EPHA1: variants seen among roughly 807,000 people sequenced by gnomAD.
EPHA1 encodes ephrin type-A receptor 1.
EPHA1 carries 92 observed loss-of-function variants against 110.1 expected under a neutral mutation model. That is an observed-to-expected ratio of 0.84 (90% CI 0.71 to 0.99). The LOEUF (loss-of-function observed/expected upper bound fraction) is 0.99, where lower values mean the gene tolerates loss of function less well. Among genes scored for constraint, EPHA1 ranks in the 50% least tolerant of loss-of-function variants. The pLI is 0.00. For synonymous variants in EPHA1, 500 were observed against 516.1 expected (o/e 0.97, Z 0.42); for missense variants, 1,204 against 1,285.4 (o/e 0.94, Z 0.97).
intron 3 of EPHA1, 96 bp from the exon 4 acceptor site, chr7:143,400,149 C>A: frequency 7.2e-7 from 1 of 1,391,402 alleles, no homozygotes; most frequent in East Asian, 2.4e-5. Flanking sequence ...TTTCCACAAC[C>A]ATGAACACTG....
chr7:143,393,557 T>C lies in EPHA1; in HGVS notation c.2696+114A>G, dbSNP rs1291900068. On this transcript the variant is annotated intron_variant, in intron 16 of 17. Coordinates refer to ENST00000275815, the MANE Select transcript of EPHA1 (RefSeq NM_005232.5). This position sits in a 1 kb window ranked among gnomAD's most constrained non-coding sequence, Gnocchi z 5.6. ...CAAGGGCACGTCTTGCCTCATACACTGGACTTGGTCCAGAGCTCCCCAGGC... is the reference window on the plus strand; with the variant it reads ...CAAGGGCACGTCTTGCCTCATACACCGGACTTGGTCCAGAGCTCCCCAGGC... 2.8e-5 allele frequency: 34 copies of C among 1,205,468 alleles called. No homozygotes were observed. The highest frequency in any genetic ancestry group is 3.6e-5 in the Non-Finnish European group (31 of 866,432). The allele number at this position is 1,205,468 out of a possible 1,614,324, so 74.7% of individuals were successfully genotyped here.
Position 143,398,641 on chromosome 7 carries a change from G to A in EPHA1, c.1296C>T (p.Gly432=), listed in dbSNP as rs537571309. 12 of 1,614,098 alleles carry A rather than the reference G, an allele frequency of 7.4e-6. No homozygotes were observed. In the South Asian group the frequency reaches 8.8e-5, roughly 12 times the overall value. Residue 432 remains glycine (G), a synonymous_variant, in exon 6 of 18, where the codon GGC becomes GGT. Transcript: ENST00000275815. ...QNGVSGLGSS[G]HASTSVSISM... ...TGATGCTGACTGAGGTGCTGGCATG[G>A]CCAGAGCTGCCCAGCCCTGACACTC...
intron 2 of EPHA1, among the ~76,000 whole-genome samples, chr7:143,402,571 T>A (rs1343009752): frequency 6.6e-6 from 1 of 152,214 alleles, no homozygotes; most frequent in Non-Finnish European, 1.5e-5. Flanking sequence ...TTTTTGTATT[T>A]TTAGTAGAGA....
chr7:143,391,141 T>A lies in EPHA1; in HGVS notation c.*316A>T, dbSNP rs1443166893. The stretch of plus-strand genomic sequence containing the variant: ...CAGTAGTCAGCTCTTTTGTAGTGCC[T>A]GCAGCCCTCATGGGTGGGATGGAGG... On this transcript the variant is annotated 3_prime_UTR_variant, in exon 18 of 18. Transcript: ENST00000275815. 1.6e-5 allele frequency: 6 copies of A among 375,424 alleles called. No individual in the cohort carries two copies. The East Asian group carries it at 3.1e-4, about 20-fold the overall frequency. 23.3% of individuals were successfully genotyped at this position (375,424 alleles called of 1,614,324 possible).
chr7:143,392,822 A>G (rs562252453), intron 16 of EPHA1, among the ~76,000 whole-genome samples: 1 of 152,200 alleles, frequency 6.6e-6, no homozygotes, highest in South Asian at 2.1e-4. Context: ...TGTGCCTGTA[A>G]TCCCAGCTAC....
intron 5 of EPHA1, 70 bp downstream of exon 5, chr7:143,399,188 A>G (rs1264677646): frequency 3.9e-6 from 6 of 1,558,244 alleles, no homozygotes; most frequent in African/African-American, 1.4e-5. Flanking sequence ...GAAAAATCCA[A>G]CCCTGACAAA....
chr7:143,406,811 T>C (rs1805563845), intron 2 of EPHA1, among the ~76,000 whole-genome samples: 1 of 152,132 alleles, frequency 6.6e-6, no homozygotes, highest in Non-Finnish European at 1.5e-5. Context: ...GTGTTGAGAG[T>C]GCAGTAGGAA....
Position 143,393,089 on chromosome 7 carries a change from C to T in EPHA1, c.2696+582G>A, listed in dbSNP as rs117374561. Among the ~76,000 whole-genome samples the T allele has an allele frequency of 1.6e-3, 241 of 152,294 alleles. No individual in the cohort carries two copies. Among genetic ancestry groups the T allele is most frequent in the Non-Finnish European group, 2.2e-3 (149 of 68,022 alleles). ...TGCCGCAGCCATCCTGCACTATCTGCAACCTACCAGCCCTCAGCTCCCCAC... is the reference window on the plus strand; with the variant it reads ...TGCCGCAGCCATCCTGCACTATCTGTAACCTACCAGCCCTCAGCTCCCCAC... On this transcript the variant is annotated intron_variant, in intron 16 of 17. Transcript: ENST00000275815. This position sits in a 1 kb window ranked among gnomAD's most constrained non-coding sequence, Gnocchi z 5.6.
At position 143,391,762 on chromosome 7, in the gene EPHA1, G is replaced by GGC; in HGVS notation, c.2708_2709dup (p.Leu904AlafsTer5). 1 of 1,613,882 alleles carries GGC rather than the reference G, an allele frequency of 6.2e-7. No individual in the cohort carries two copies. The highest frequency in any genetic ancestry group is 1.3e-5 in the African/African-American group (1 of 75,070). ...CCATCTGAGCCACTCAGGCTGGGCAGGCGAAGAGTCATCCTGTGGGACATG... is the reference window on the plus strand; with the variant it reads ...CCATCTGAGCCACTCAGGCTGGGCAGGCGCGAAGAGTCATCCTGTGGGACATG... On this transcript the variant is annotated frameshift_variant, in exon 17 of 18. Transcript: ENST00000275815. LOFTEE classifies it high-confidence loss of function.
intron 2 of EPHA1, among the ~76,000 whole-genome samples, chr7:143,405,653 G>A (rs1414136289): frequency 6.6e-6 from 1 of 152,194 alleles, no homozygotes; most frequent in African/African-American, 2.4e-5. Context: ...AGGCCCATGG[G>A]AGCCAGAAGT....
chr7:143,392,067 G>C (rs904618715), intron 16 of EPHA1, among the ~76,000 whole-genome samples: 1 of 152,178 alleles, frequency 6.6e-6, no homozygotes, highest in Non-Finnish European at 1.5e-5. Context: ...TGGAGTGGCC[G>C]GTTCTGGGCA....
rs1478817861 is a variant in EPHA1 at position 143,401,498 on chromosome 7, G to C, written c.258C>G (p.Ile86Met). 3 of 1,614,038 alleles carry C rather than the reference G, an allele frequency of 1.9e-6. No individual in the cohort carries two copies. Among genetic ancestry groups the C allele is most frequent in the Non-Finnish European group, 2.5e-6 (3 of 1,180,054 alleles). ...CGCGGGAAGCCTCCTCCCCGCGGTAGATCCAATTGGAGCGAAGCCAGTGGT... is the reference window on the plus strand; with the variant it reads ...CGCGGGAAGCCTCCTCCCCGCGGTACATCCAATTGGAGCGAAGCCAGTGGT... ...DTDHWLRSNW[I>M]YRGEEASRVH... The change falls in exon 3 of 18, where the codon ATC becomes ATG. Residue 86 changes from isoleucine (I) to methionine (M), a missense_variant. Transcript: ENST00000275815. This position sits in a 1 kb window ranked among gnomAD's most constrained non-coding sequence, Gnocchi z 4.1.
In EPHA1 at chr7:143,407,677, A is replaced by C; in HGVS notation, c.84T>G (p.Val28=). 1.2e-6 allele frequency: 2 copies of C among 1,612,996 alleles called. No individual in the cohort carries two copies. The highest frequency in any genetic ancestry group is 2.2e-5 in the South Asian group (2 of 90,826). ...PLPPGARAKE[V]TLMDTSKAQG... is the part of the protein sequence containing the mutation. ...GTGCCTTGCTTGTGTCCATCAGAGT[A>C]ACTGAAAGTGGGGAGAAAAGAAGTC... The change falls in exon 2 of 18, where the codon GTT becomes GTG. Residue 28 remains valine (V), a splice_region_variant and synonymous_variant. Transcript: ENST00000275815.
rs1452434999 is a variant in EPHA1 at position 143,399,312 on chromosome 7, AGGTACAGAT to A, written c.928_936del (p.Ile310_Thr312del). Reference sequence around the variant, plus strand: ...GGAGCTCTGTAATGGCCGCTCTCACAGGTACAGATGGTGGCCCCCTCAGACTCAGCAGTG... The same window carrying A: ...GGAGCTCTGTAATGGCCGCTCTCACAGGTGGCCCCCTCAGACTCAGCAGTG... On this transcript the variant is annotated inframe_deletion, in exon 5 of 18. Transcript: ENST00000275815. 1 of 1,612,416 alleles carries A rather than the reference AGGTACAGAT, an allele frequency of 6.2e-7. No homozygotes were observed. Among genetic ancestry groups the A allele is most frequent in the South Asian group, 1.1e-5 (1 of 90,988 alleles).
At chr7:143,397,523 C>T (rs1215023897) in intron 9 of EPHA1, 38 bp downstream of exon 9, 1 of 1,611,592 alleles carries the variant, frequency 6.2e-7, no homozygotes, top group East Asian at 2.2e-5. Flanking sequence ...GGCTTCTGAC[C>T]CAGGGCTGGT....
At chr7:143,391,883 G>A in intron 16 of EPHA1, 108 bp from the exon 17 acceptor site, 4 of 1,519,016 alleles carry the variant, frequency 2.6e-6, no homozygotes, top group Non-Finnish European at 3.5e-6. Context: ...TGGGCACAGA[G>A]ATCATCTAGA....
rs547080889 is a variant in EPHA1 at position 143,395,024 on chromosome 7, G to A, written c.2146-10C>T. The A allele has an allele frequency of 1.9e-6, 3 of 1,613,972 alleles. No individual in the cohort carries two copies. The highest frequency in any genetic ancestry group is 2.2e-5 in the South Asian group (2 of 91,080). Reference sequence around the variant, plus strand: ...GCTGGTCCTCCCGCTCCTGCAGCAGGGTGAGTGGGTGAGTCAGGGGATGGG... The same window carrying A: ...GCTGGTCCTCCCGCTCCTGCAGCAGAGTGAGTGGGTGAGTCAGGGGATGGG... On this transcript the variant is annotated splice_polypyrimidine_tract_variant and intron_variant, in intron 13 of 17. Transcript: ENST00000275815. This position sits in a 1 kb window ranked among gnomAD's most constrained non-coding sequence, Gnocchi z 4.7.
At chr7:143,397,503 T>G in intron 9 of EPHA1, 58 bp downstream of exon 9, 1 of 1,595,330 alleles carries the variant, frequency 6.3e-7, no homozygotes, top group Non-Finnish European at 8.6e-7. Context: ...TCGTTGGGGC[T>G]GCAGTCAGGG....
chr7:143,394,331 G>T lies in EPHA1; in HGVS notation c.2365C>A (p.Pro789Thr). 1 of 1,613,886 alleles carries T rather than the reference G, an allele frequency of 6.2e-7. No individual in the cohort carries two copies. Among genetic ancestry groups the T allele is most frequent in the South Asian group, 1.1e-5 (1 of 91,074 alleles). Residue 789 changes from proline to threonine, a missense_variant, in exon 15 of 18, where the codon CCT becomes ACT. Coordinates refer to ENST00000275815, the MANE Select transcript of EPHA1 (RefSeq NM_005232.5). ...GCTTCAGGGGCTGTCCAACGGATAGGGATCTTTCCTCCCTAAGAAGGCACA... is the reference window on the plus strand; with the variant it reads ...GCTTCAGGGGCTGTCCAACGGATAGTGATCTTTCCTCCCTAAGAAGGCACA... The part of the protein sequence containing the change: ...GTYETQGGKI[P>T]IRWTAPEAIA...
Sources: gnomAD v4.1 joint callset for allele counts (sites outside exome capture counted in the v4.1 genomes callset) on GRCh38, gnomAD v4.1.1 for gene constraint, Gnocchi (gnomAD v3.1) non-coding constraint, MANE v1.5 for transcripts, NCBI Gene and HGNC (gene_info 2026-07-23, HGNC 2026-07-21) for gene names.